The following TRIM16 variants were observed in gnomAD, a reference collection of about 807,000 sequenced individuals.
TRIM16 encodes tripartite motif-containing protein 16.
Under a neutral mutation model 50.4 loss-of-function variants are expected in TRIM16, and 33 were observed. The observed-to-expected ratio is 0.65, with a 90% confidence interval of 0.50 to 0.88. TRIM16 has a LOEUF of 0.88. Among genes scored for constraint, TRIM16 ranks in the 40% least tolerant of loss-of-function variants. The pLI is 0.00. For missense variants in TRIM16, 581 were observed against 686.8 expected, an observed-to-expected ratio of 0.85 and a Z score of 1.72; for synonymous variants, 229 against 270.7, an observed-to-expected ratio of 0.85 and a Z score of 1.51.
chr17:15,631,945 T>A, intron 10 of TRIM16: 2 of 543,480 alleles, frequency 3.7e-6, no homozygotes, highest in Non-Finnish European at 6.6e-6. Context: ...AGTATAGGCA[T>A]CAGCAACCTG....
chr17:15,674,965 GCTT>G (rs1416707364), intron 6 of TRIM16, among the ~76,000 whole-genome samples: 6 of 151,912 alleles, frequency 3.9e-5, no homozygotes, highest in Non-Finnish European at 8.8e-5. Flanking sequence ...TTAGCTATGA[GCTT>G]CTTTATTTTG....
intron 6 of TRIM16, among the ~76,000 whole-genome samples, chr17:15,662,039 G>A (rs1198421057): frequency 6.6e-6 from 1 of 152,042 alleles, no homozygotes; most frequent in Non-Finnish European, 1.5e-5. Context: ...ATGACCCTCC[G>A]ACATCCATGC....
chr17:15,674,445 AAC>A (rs535540397), intron 6 of TRIM16, among the ~76,000 whole-genome samples: 100 of 152,200 alleles, frequency 6.6e-4, no homozygotes, highest in African/African-American at 2.4e-3. Flanking sequence ...AGGTAGATGT[AAC>A]AGAGTTTGGC....
chr17:15,647,703 C>T (rs1461409410), intron 7 of TRIM16, among the ~76,000 whole-genome samples: 1 of 151,926 alleles, frequency 6.6e-6, no homozygotes, highest in Non-Finnish European at 1.5e-5. Flanking sequence ...CAGCACTTAG[C>T]GATAGGAAGC....
chr17:15,665,305 C>G (rs145136441), intron 6 of TRIM16, among the ~76,000 whole-genome samples: 2 of 151,714 alleles, frequency 1.3e-5, no homozygotes, highest in African/African-American at 4.9e-5. Context: ...GAGGTCAGAT[C>G]GAGACCATCC....
chr17:15,631,891 A>C (rs751313010), intron 10 of TRIM16, 177 bp from the exon 11 acceptor site: 1 of 629,184 alleles, frequency 1.6e-6, no homozygotes, highest in East Asian at 2.8e-5. Context: ...GTAAGGCATA[A>C]ACCACTGAAA....
At position 15,680,919 on chromosome 17, in the gene TRIM16, C is replaced by G; in HGVS notation, c.-644G>C. The G allele has an allele frequency of 1.9e-6, 3 of 1,546,176 alleles. No individual in the cohort carries two copies. The highest frequency in any genetic ancestry group is 2.6e-6 in the Non-Finnish European group (3 of 1,145,862). ...CCATATTTTCCTTCTTAAGATACCC[C>G]TTTTGGGAAAGGGCAGGGTCCTCAG... On this transcript the variant is annotated 5_prime_UTR_variant, in exon 4 of 12. Transcript: ENST00000649191.
chr17:15,641,332 T>C (rs1222147159), intron 8 of TRIM16, among the ~76,000 whole-genome samples: 1 of 148,868 alleles, frequency 6.7e-6, no homozygotes, highest in East Asian at 2.0e-4. Context: ...TGCCTATCAA[T>C]ATACTGAGTC....
chr17:15,676,578 G>A (rs1182237991), intron 6 of TRIM16, among the ~76,000 whole-genome samples: 3 of 151,526 alleles, frequency 2.0e-5, no homozygotes, highest in Non-Finnish European at 3.0e-5. Context: ...TGGGACTACA[G>A]GTGCCCGCCA....
At chr17:15,677,798 A>T in intron 4 of TRIM16, 77 bp from the exon 5 acceptor site, 1 of 972,202 alleles carries the variant, frequency 1.0e-6, no homozygotes, top group Non-Finnish European at 1.2e-6. Context: ...CTATGTTCAC[A>T]GTGTCAAAGA....
intron 6 of TRIM16, among the ~76,000 whole-genome samples, chr17:15,663,512 AC>A (rs1988338461): frequency 6.6e-6 from 1 of 152,212 alleles, no homozygotes; most frequent in Non-Finnish European, 1.5e-5. Flanking sequence ...CAACGTGAGG[AC>A]TAGGTCAGTA....
At chr17:15,662,791 ACC>A (rs1988299380) in intron 6 of TRIM16, among the ~76,000 whole-genome samples, 1 of 152,182 alleles carries the variant, frequency 6.6e-6, no homozygotes, top group South Asian at 2.1e-4. Flanking sequence ...TGGGTAACTG[ACC>A]CAAACCCATA....
intron 6 of TRIM16, among the ~76,000 whole-genome samples, chr17:15,655,159 T>G (rs890885836): frequency 6.6e-6 from 1 of 152,214 alleles, no homozygotes; most frequent in Non-Finnish European, 1.5e-5. Flanking sequence ...AATGGACAGG[T>G]GGCTTTCCTT....
In TRIM16 at chr17:15,674,671, C is replaced by T. The variant is rs896132635; in HGVS notation, c.-338+2505G>A. ...TTCCCTAGCTACTTTAAAGGCCCAG[C>T]CTCCTCTCTGTTCTTGCCATTTTGG... On this transcript the variant is annotated intron_variant, in intron 6 of 11. Transcript: ENST00000649191. Among the ~76,000 whole-genome samples, 4 of 152,268 alleles carry T rather than the reference C, an allele frequency of 2.6e-5. No individual in the cohort carries two copies. The South Asian group carries it at 8.3e-4, about 32-fold the overall frequency.
Position 15,677,167 on chromosome 17 carries a change from C to T in TRIM16, c.-338+9G>A. ...TTCTAAAGATGCAATCTGCCTTGTT[C>T]TCACTTACGTGTACCGCTGCTTCTT... On this transcript the variant is annotated intron_variant, in intron 6 of 11. Transcript: ENST00000649191. 2.0e-6 allele frequency: 2 copies of T among 985,182 alleles called. No individual in the cohort carries two copies. The highest frequency in any genetic ancestry group is 2.4e-6 in the Non-Finnish European group (2 of 829,892). The allele number at this position is 985,182 out of a possible 1,614,324, so 61.0% of individuals were successfully genotyped here.
chr17:15,632,508 C>A lies in TRIM16; in HGVS notation c.1015+1G>T, dbSNP rs756411182. 4.2e-5 allele frequency: 68 copies of A among 1,611,282 alleles called. No homozygotes were observed. The South Asian group carries it at 6.8e-4, about 16-fold the overall frequency. Reference sequence around the variant, plus strand: ...AGTCCATGGCCCAGAATGCGTCTCACCTTCCTTGGAAAACTCCTGGAGCTT... The same window carrying A: ...AGTCCATGGCCCAGAATGCGTCTCAACTTCCTTGGAAAACTCCTGGAGCTT... On this transcript the variant is annotated splice_donor_variant, in intron 10 of 11. Coordinates refer to ENST00000649191, the MANE Select transcript of TRIM16 (RefSeq NM_001348119.1). LOFTEE classifies it high-confidence loss of function.
At chr17:15,642,409 C>T (rs1263461630) in intron 8 of TRIM16, among the ~76,000 whole-genome samples, 1 of 148,712 alleles carries the variant, frequency 6.7e-6, no homozygotes, top group East Asian at 2.0e-4. Flanking sequence ...TCTGACTAAA[C>T]TCCCAGCCCC....
rs369890282 is a variant in TRIM16 at position 15,648,264 on chromosome 17, CA to C, written c.519+2826del. Among the ~76,000 whole-genome samples, 812 of 146,182 alleles carry C rather than the reference CA, an allele frequency of 5.6e-3. 5 individuals are homozygous for C. The highest frequency in any genetic ancestry group is 0.042 in the Middle Eastern group (12 of 288). ...AACAAAAAACAAACAAACAAACAAACAAAAAAACACAAAGGGGCCTGGAGAT... is the reference window on the plus strand; with the variant it reads ...AACAAAAAACAAACAAACAAACAAACAAAAAACACAAAGGGGCCTGGAGAT... On this transcript the variant is annotated intron_variant, in intron 7 of 11. Coordinates refer to ENST00000649191, the MANE Select transcript of TRIM16 (RefSeq NM_001348119.1).
intron 6 of TRIM16, among the ~76,000 whole-genome samples, chr17:15,667,930 C>T (rs72819884): frequency 0.1 from 15,723 of 151,838 alleles, 1,138 homozygotes; most frequent in Middle Eastern, 0.15. Context: ...AGGATCCCGC[C>T]GGGACACTGT....
Sources: gnomAD v4.1 joint callset for allele counts (sites outside exome capture counted in the v4.1 genomes callset) on GRCh38, gnomAD v4.1.1 for gene constraint, MANE v1.5 for transcripts, NCBI Gene and HGNC (gene_info 2026-07-23, HGNC 2026-07-21) for gene names.